PBRM1: variants seen among roughly 807,000 people sequenced by gnomAD.
PBRM1 encodes the protein protein polybromo-1.
PBRM1 carries 27 observed loss-of-function variants against 194.5 expected under a neutral mutation model. That is an observed-to-expected ratio of 0.14 (90% CI 0.10 to 0.19). The LOEUF (loss-of-function observed/expected upper bound fraction) is 0.19. PBRM1 is among the 10% of genes least tolerant of loss of function. PBRM1 has a pLI of 1.00. For missense variants in PBRM1, 1,466 were observed against 2,077.2 expected (o/e 0.71, Z 5.72); for synonymous variants, 655 against 693.2 (o/e 0.94, Z 0.87).
intron 27 of PBRM1, among the ~76,000 whole-genome samples, chr3:52,553,951 C>A (rs150159327): frequency 2.6e-5 from 4 of 152,080 alleles, no homozygotes; most frequent in African/African-American, 9.6e-5. Flanking sequence ...CATGAGCCAT[C>A]GTGCCCGGCC....
intron 1 of PBRM1, among the ~76,000 whole-genome samples, chr3:52,685,131 C>G (rs2097289850): frequency 6.6e-6 from 1 of 152,182 alleles, no homozygotes; most frequent in Non-Finnish European, 1.5e-5. Context: ...ATACCGTGTA[C>G]TTATTTTTCA....
upstream of PBRM1, among the ~76,000 whole-genome samples, chr3:52,684,167 CAAAAAAAAAAA>C (rs66702174): frequency 1.3e-5 from 1 of 75,708 alleles, no homozygotes; most frequent in Non-Finnish European, 2.3e-5. Flanking sequence ...GACCTTGTCT[CAAAAAAAAAAA>C]AAAAAAAAAA....
intron 17 of PBRM1, among the ~76,000 whole-genome samples, chr3:52,590,317 A>G (rs59882389): frequency 6.6e-6 from 1 of 152,014 alleles, no homozygotes; most frequent in Non-Finnish European, 1.5e-5. Context: ...ATTAGCCAGC[A>G]TGATGGCAGG....
chr3:52,634,498 T>G, intron 11 of PBRM1, 104 bp downstream of exon 12: 2 of 726,274 alleles, frequency 2.8e-6, no homozygotes, highest in Non-Finnish European at 4.5e-6. Context: ...AAAAACACCA[T>G]TTTTACCTTT....
rs760800707 is a variant in PBRM1 at position 52,671,846 on chromosome 3, G to A, written c.237-3201C>T. Among the ~76,000 whole-genome samples, 88 of 152,164 alleles carry A rather than the reference G, an allele frequency of 5.8e-4. 1 individual carries two copies. The highest frequency in any genetic ancestry group is 2.1e-4 in the Non-Finnish European group (14 of 68,030). ...TCAGGATGATGACACTGCATTCTCAGTGGCTTGCTCGTTGAGGTGAGAAAT... is the reference window on the plus strand; with the variant it reads ...TCAGGATGATGACACTGCATTCTCAATGGCTTGCTCGTTGAGGTGAGAAAT... On this transcript the variant is annotated intron_variant, in intron 2 of 29. Coordinates refer to ENST00000296302, the Ensembl canonical transcript of PBRM1.
chr3:52,621,974 A>T (rs2153535172), intron 13 of PBRM1, among the ~76,000 whole-genome samples: 1 of 152,286 alleles, frequency 6.6e-6, no homozygotes, highest in African/African-American at 2.4e-5. Flanking sequence ...TGAACCCAGA[A>T]GATCACGGCT....
chr3:52,586,564 A>G (rs2092416391), exon 20 of PBRM1: 1 of 1,614,016 alleles, frequency 6.2e-7, no homozygotes, highest in African/African-American at 1.3e-5. Flanking sequence ...GACAAACCTG[A>G]CTGAGCTGAT....
In PBRM1 at chr3:52,558,485, C is replaced by A; in HGVS notation, c.4289-72G>T. ...TCAAAATACCATCCATTGCATTCAA[C>A]AGGACTAGTAAAAACACAGGCAACA... On this transcript the variant is annotated intron_variant, in intron 25 of 29. Transcript: ENST00000296302. 5 of 1,302,732 alleles carry A rather than the reference C, an allele frequency of 3.8e-6. No individual in the cohort carries two copies. In the South Asian group the frequency reaches 7.5e-5, roughly 20 times the overall value. The allele number at this position is 1,302,732 out of a possible 1,614,324, so 80.7% of individuals were successfully genotyped here. A position where few individuals can be genotyped will look rare whatever the true frequency, so the allele number is the denominator to read the frequency against.
upstream of PBRM1, among the ~76,000 whole-genome samples, chr3:52,682,390 A>AG (rs398038708): frequency 5.9e-5 from 9 of 151,502 alleles, no homozygotes; most frequent in Admixed American, 3.9e-4. Flanking sequence ...AAAAAAAAAA[A>AG]GGGCCAACCA....
exon 13 of PBRM1, chr3:52,627,274 T>G (rs1235602481): frequency 6.4e-7 from 1 of 1,571,636 alleles, no homozygotes; most frequent in Admixed American, 1.7e-5. Flanking sequence ...AGTATATACC[T>G]TTTTCTTTTG....
chr3:52,591,443 T>A (rs1000727513), intron 17 of PBRM1, among the ~76,000 whole-genome samples: 3 of 152,076 alleles, frequency 2.0e-5, no homozygotes, highest in African/African-American at 4.8e-5. Flanking sequence ...ATACCTAGTT[T>A]ATCTAGAGTT....
rs1445735501 is a variant in PBRM1, at chr3:52,679,555, T to C, written c.138+19A>G. On this transcript the variant is annotated intron_variant, in intron 1 of 29. Transcript: ENST00000296302. ...TTGTGGGAAGAGCAGGCAGAAACCA[T>C]GTAATCCAAGTTACTCACAGGATCT... 1 of 1,607,980 alleles carries C rather than the reference T, an allele frequency of 6.2e-7. No homozygotes were observed. The highest frequency in any genetic ancestry group is 8.5e-7 in the Non-Finnish European group (1 of 1,176,802).
intron 7 of PBRM1, among the ~76,000 whole-genome samples, chr3:52,645,123 C>T (rs1240148603): frequency 6.6e-6 from 1 of 152,182 alleles, no homozygotes; most frequent in African/African-American, 2.4e-5. Flanking sequence ...TGCCTGAAAC[C>T]TTGAACATTG....
intron 22 of PBRM1, among the ~76,000 whole-genome samples, chr3:52,575,508 C>CTTTTTT (rs1177139118): frequency 2.1e-4 from 18 of 87,158 alleles, no homozygotes; most frequent in African/African-American, 2.9e-4. Context: ...AATCAATTGT[C>CTTTTTT]TTTTTTTTTT....
At chr3:52,649,059 G>A (rs1298386805) in intron 6 of PBRM1, among the ~76,000 whole-genome samples, 2 of 152,182 alleles carry the variant, frequency 1.3e-5, no homozygotes, top group Non-Finnish European at 2.9e-5. Flanking sequence ...AAAAGACATG[G>A]TCTAGAGAGA....
chr3:52,645,721 T>C (rs1252042454), intron 7 of PBRM1, among the ~76,000 whole-genome samples: 1 of 151,916 alleles, frequency 6.6e-6, no homozygotes, highest in African/African-American at 2.4e-5. Flanking sequence ...AGGTGGTGTA[T>C]ATAGTGTGGA....
rs1176390657 is a variant in PBRM1, at chr3:52,678,492, G to C, written c.236+8C>G. 1.3e-6 allele frequency: 2 copies of C among 1,584,692 alleles called. No individual in the cohort carries two copies. Among genetic ancestry groups the C allele is most frequent in the Non-Finnish European group, 1.7e-6 (2 of 1,153,266 alleles). Reference sequence around the variant, plus strand: ...CCCCGCAACTGTACTGATGTGCTTCGAACTCACCTTCGCTTTGGTGCCCTA... The same window carrying C: ...CCCCGCAACTGTACTGATGTGCTTCCAACTCACCTTCGCTTTGGTGCCCTA... On this transcript the variant is annotated splice_region_variant and intron_variant, in intron 2 of 29. Coordinates refer to ENST00000296302, the Ensembl canonical transcript of PBRM1.
At chr3:52,584,437 A>G (rs1360280216) in intron 20 of PBRM1, among the ~76,000 whole-genome samples, 1 of 143,412 alleles carries the variant, frequency 7.0e-6, no homozygotes, top group African/African-American at 2.9e-5. Context: ...TTATCTGCAG[A>G]AAAGTATTCT....
At chr3:52,579,232 G>A (rs1283034799) in intron 20 of PBRM1, 33 bp from the exon 23 acceptor site, 7 of 1,597,804 alleles carry the variant, frequency 4.4e-6, no homozygotes, top group Non-Finnish European at 6.0e-6. Flanking sequence ...AAGAAAGGTA[G>A]TTGATAATCA....
Sources: allele counts gnomAD v4.1 joint callset (sites outside exome capture counted in the v4.1 genomes callset), GRCh38; gene constraint gnomAD v4.1.1; transcripts MANE v1.5; gene names NCBI Gene and HGNC (gene_info 2026-07-23, HGNC 2026-07-21).